HORMAD2: variants seen among roughly 807,000 people sequenced by gnomAD.
HORMAD2 encodes the protein HORMA domain-containing protein 2.
In HORMAD2, 45 loss-of-function variants were observed where a neutral mutation model predicts 38.8. That is an observed-to-expected ratio of 1.16 (90% CI 0.91 to 1.49). The LOEUF (loss-of-function observed/expected upper bound fraction) is 1.49, where lower values mean the gene tolerates loss of function less well. Ranked by LOEUF, HORMAD2 falls within the 40% of genes most tolerant of loss-of-function variation. The pLI is 0.00. For synonymous variants in HORMAD2, 126 were observed against 122.8 expected, an observed-to-expected ratio of 1.03 and a Z score of -0.17; for missense variants, 338 against 367.0, an observed-to-expected ratio of 0.92 and a Z score of 0.65.
At chr22:30,189,102 CAA>C in the HORMAD2 span, among the ~76,000 whole-genome samples, 19 of 108,932 alleles carry the variant, frequency 1.7e-4, no homozygotes, top group Non-Finnish European at 1.6e-4. Flanking sequence ...GAGCCTGCCT[CAA>C]AAAAAAAAAA....
the HORMAD2 span, among the ~76,000 whole-genome samples, chr22:30,184,962 T>G: frequency 2.6e-5 from 4 of 152,222 alleles, no homozygotes; most frequent in Admixed American, 1.3e-4. Context: ...AATCTTAATC[T>G]TGGTTCTCCC....
chr22:30,149,860 T>C (rs556407544), intron 10 of HORMAD2, among the ~76,000 whole-genome samples: 11 of 152,366 alleles, frequency 7.2e-5, no homozygotes, highest in Non-Finnish European at 1.6e-4. Context: ...TTATTTTTCA[T>C]GATAATTTTT....
At chr22:30,088,066 C>T (rs965377654) in intron 1 of HORMAD2, among the ~76,000 whole-genome samples, 26 of 86,942 alleles carry the variant, frequency 3.0e-4, no homozygotes, top group African/African-American at 1.8e-3. Context: ...TATACATATA[C>T]ACACACGTAC....
Position 30,176,107 on chromosome 22 carries a change from C to T in HORMAD2, c.864C>T (p.Cys288=). The change falls in exon 11 of 11, where the codon TGC becomes TGT. Residue 288 remains cysteine, a synonymous_variant. Transcript: ENST00000336726. ...TGTGCAGTCAGCAAAGTTCTGAGTG[C>T]TCCAGGAAGAAGAGGAAGGTCAGTG... ...NFVCSQQSSE[C]SRKKRKVSEP... is the part of the protein sequence containing the mutation. The T allele has an allele frequency of 6.2e-7, 1 of 1,613,344 alleles. No homozygotes were observed. The highest frequency in any genetic ancestry group is 8.5e-7 in the Non-Finnish European group (1 of 1,179,472).
At chr22:30,156,706 A>G (rs5763825) in intron 10 of HORMAD2, among the ~76,000 whole-genome samples, 35,877 of 152,116 alleles carry the variant, frequency 0.24, 6,596 homozygotes, top group African/African-American at 0.51. Flanking sequence ...GCAAGGCAAT[A>G]TCTACATTGA....
At chr22:30,105,892 A>AT (rs1921154193) in intron 5 of HORMAD2, among the ~76,000 whole-genome samples, 1 of 152,188 alleles carries the variant, frequency 6.6e-6, no homozygotes, top group African/African-American at 2.4e-5. Context: ...AAATCCAGTA[A>AT]CCAAAGGGTT....
intron 10 of HORMAD2, among the ~76,000 whole-genome samples, chr22:30,162,035 G>A (rs1925472615): frequency 6.6e-6 from 1 of 152,092 alleles, no homozygotes; most frequent in Admixed American, 6.6e-5. Flanking sequence ...CACACAGGGT[G>A]GGCATGGTGG....
chr22:30,146,842 T>G (rs1313650044), intron 10 of HORMAD2, among the ~76,000 whole-genome samples: 1 of 152,166 alleles, frequency 6.6e-6, no homozygotes, highest in African/African-American at 2.4e-5. Context: ...ATATAATACA[T>G]GAATTTATCA....
At chr22:30,149,614 C>G (rs567188153) in intron 10 of HORMAD2, among the ~76,000 whole-genome samples, 2 of 152,324 alleles carry the variant, frequency 1.3e-5, no homozygotes, top group East Asian at 3.9e-4. Context: ...GGCTCTCATC[C>G]TGGAATTTCC....
At chr22:30,099,692 G>C (rs980452971) in intron 3 of HORMAD2, among the ~76,000 whole-genome samples, 3 of 152,148 alleles carry the variant, frequency 2.0e-5, no homozygotes, top group Non-Finnish European at 1.5e-5. Flanking sequence ...TTCGAGACCA[G>C]CCTGGCCAAC....
At chr22:30,192,395 T>C in the HORMAD2 span, among the ~76,000 whole-genome samples, 1 of 151,998 alleles carries the variant, frequency 6.6e-6, no homozygotes, top group African/African-American at 2.4e-5. Flanking sequence ...AGGAAGAGCA[T>C]CTCCTACTAA....
At chr22:30,118,865 CTA>C (rs1922234943) in intron 7 of HORMAD2, 113 bp from the exon 8 acceptor site, 1 of 684,104 alleles carries the variant, frequency 1.5e-6, no homozygotes, top group African/African-American at 1.8e-5. Context: ...AAACAAACAG[CTA>C]TATAGGAAGT....
intron 7 of HORMAD2, among the ~76,000 whole-genome samples, chr22:30,118,310 C>A (rs149697895): frequency 6.6e-6 from 1 of 152,080 alleles, no homozygotes; most frequent in East Asian, 1.9e-4. Context: ...CACTTCAGAG[C>A]CTTTGCATTG....
intron 10 of HORMAD2, among the ~76,000 whole-genome samples, chr22:30,168,528 C>T (rs1925920853): frequency 6.6e-6 from 1 of 152,142 alleles, no homozygotes; most frequent in African/African-American, 2.4e-5. Context: ...TTTCTTCATC[C>T]ATCCTCCCTA....
chr22:30,088,218 CAT>C (rs1055961517), intron 1 of HORMAD2, among the ~76,000 whole-genome samples: 5 of 147,616 alleles, frequency 3.4e-5, no homozygotes, highest in African/African-American at 1.3e-4. Flanking sequence ...CATATATACA[CAT>C]ATATACATAT....
chr22:30,088,042 C>CATATGT (rs1431752401), intron 1 of HORMAD2, among the ~76,000 whole-genome samples: 384 of 150,986 alleles, frequency 2.5e-3, no homozygotes, highest in Non-Finnish European at 4.0e-3. Flanking sequence ...TATGTGTATA[C>CATATGT]ACACGTACAC....
At chr22:30,175,237 T>TTATATATAATATAATATAGAATATAA (rs1926364200) in intron 10 of HORMAD2, among the ~76,000 whole-genome samples, 1 of 63,060 alleles carries the variant, frequency 1.6e-5, no homozygotes, top group South Asian at 4.1e-4. Flanking sequence ...ATAGAATATA[T>TTATATATAATATAATATAGAATATAA]TATATATAAT....
intron 10 of HORMAD2, among the ~76,000 whole-genome samples, chr22:30,124,605 A>ATACTCTGAG (rs1243309075): frequency 2.0e-5 from 3 of 152,176 alleles, no homozygotes; most frequent in Non-Finnish European, 2.9e-5. Flanking sequence ...CAAAGTAATC[A>ATACTCTGAG]TACTCTGAGT....
At chr22:30,182,837 T>C in the HORMAD2 span, among the ~76,000 whole-genome samples, 2 of 152,220 alleles carry the variant, frequency 1.3e-5, no homozygotes. Flanking sequence ...ATTATTTTTA[T>C]TTATTTATTT....
Sources: allele counts gnomAD v4.1 joint callset (sites outside exome capture counted in the v4.1 genomes callset), GRCh38; gene constraint gnomAD v4.1.1; transcripts MANE v1.5; gene names NCBI Gene and HGNC (gene_info 2026-07-23, HGNC 2026-07-21).